LTBP1: variants seen among roughly 807,000 people sequenced by gnomAD.
LTBP1 encodes the protein latent transforming growth factor beta binding protein 1, also known as latent-transforming growth factor beta-binding protein 1.
In LTBP1, 129 loss-of-function variants were observed where a neutral mutation model predicts 207.6. That is an observed-to-expected ratio of 0.62 (90% confidence interval 0.54 to 0.72). The LOEUF (loss-of-function observed/expected upper bound fraction) is 0.72. Ranked by LOEUF, LTBP1 falls within the 30% of genes least tolerant of loss-of-function variation. The probability of loss-of-function intolerance (pLI) is 0.00; values close to 1 mark genes in which losing one functional copy is unlikely to be tolerated. For synonymous variants in LTBP1, 963 were observed against 833.7 expected (o/e 1.16, Z -2.67); for missense variants, 2,281 against 2,217.2 (o/e 1.03, Z -0.58).
chr2:33,364,196 T>C lies in LTBP1; in HGVS notation c.4400-20T>C. 1 of 1,610,796 alleles carries C rather than the reference T, an allele frequency of 6.2e-7. No individual in the cohort carries two copies. Among genetic ancestry groups the C allele is most frequent in the South Asian group, 1.1e-5 (1 of 90,362 alleles). Reference sequence around the variant, plus strand: ...ACTGATGGCTGATTTTCTTTAGTAATACTTTTTTTTGCTCTTAAGATATGG... The same window carrying C: ...ACTGATGGCTGATTTTCTTTAGTAACACTTTTTTTTGCTCTTAAGATATGG... On this transcript the variant is annotated intron_variant, in intron 29 of 33. Coordinates refer to ENST00000404816, the MANE Select transcript of LTBP1 (RefSeq NM_206943.4).
At chr2:33,161,333 C>G (rs71446102) in intron 5 of LTBP1, among the ~76,000 whole-genome samples, 350 of 146,656 alleles carry the variant, frequency 2.4e-3, no homozygotes, top group Non-Finnish European at 3.8e-3. Context: ...GATTTCAGCT[C>G]TGTGCAACCT....
At chr2:33,318,212 ATATGGTAC>A (rs1318387052) in intron 24 of LTBP1, among the ~76,000 whole-genome samples, 5 of 152,300 alleles carry the variant, frequency 3.3e-5, no homozygotes, top group Admixed American at 3.3e-4. Flanking sequence ...CTCAACCTGT[ATATGGTAC>A]TCTGGGATAG....
At chr2:33,073,907 G>A (rs909892359) in intron 3 of LTBP1, among the ~76,000 whole-genome samples, 1 of 152,210 alleles carries the variant, frequency 6.6e-6, no homozygotes, top group Non-Finnish European at 1.5e-5. Flanking sequence ...GATTGCAGGT[G>A]TGAGCCACTG....
Position 33,257,350 on chromosome 2 carries a change from C to G in LTBP1, c.2234C>G (p.Pro745Arg). Residue 745 changes from proline (P) to arginine (R), a missense_variant, in exon 12 of 34, where the codon CCA becomes CGA. By Grantham distance (103) the Pro-to-Arg change is moderately radical. Coordinates refer to ENST00000404816, the MANE Select transcript of LTBP1 (RefSeq NM_206943.4). The part of the protein sequence containing the change: ...YTVSGVHRRR[P>R]IHHHVGKGPV... ...GTTTCTGGCGTTCATAGACGCAGGC[C>G]AATCCATCACCATGTAGGTAAAGGA... is the stretch of plus-strand genomic sequence containing the variant. The G allele has an allele frequency of 6.2e-7, 1 of 1,614,172 alleles. No individual in the cohort carries two copies. The highest frequency in any genetic ancestry group is 8.5e-7 in the Non-Finnish European group (1 of 1,180,028).
At chr2:33,382,462 C>A (rs71447912) in intron 31 of LTBP1, among the ~76,000 whole-genome samples, 2,001 of 152,196 alleles carry the variant, frequency 0.013, 26 homozygotes, top group Non-Finnish European at 0.018. Context: ...CTTCCTTCCT[C>A]TTCTACCTGG....
In LTBP1 at chr2:33,078,857, C is replaced by CTTTTTTT. The variant is rs879714056; in HGVS notation, c.864-31721_864-31720insTTTTTTT. Among the ~76,000 whole-genome samples, 82 of 92,118 alleles carry CTTTTTTT rather than the reference C, an allele frequency of 8.9e-4. 2 individuals are homozygous for CTTTTTTT. Among genetic ancestry groups the CTTTTTTT allele is most frequent in the East Asian group, 6.2e-3 (13 of 2,112 alleles). The allele number at this position is 92,118 out of a possible 152,430, so 60.4% of individuals were successfully genotyped here. On this transcript the variant is annotated intron_variant, in intron 3 of 33. Transcript: ENST00000404816. ...CTTCTCTTCTGTTTTCTTTTCTTTT[C>CTTTTTTT]TTTTCTTTTTTTTTTTTTTTGAGAC... is the stretch of plus-strand genomic sequence containing the variant.
At chr2:33,058,067 G>A (rs1473711780) in intron 3 of LTBP1, among the ~76,000 whole-genome samples, 1 of 152,218 alleles carries the variant, frequency 6.6e-6, no homozygotes, top group South Asian at 2.1e-4. Context: ...TCTCTCTTTG[G>A]TTTCCAATTA....
At chr2:33,079,761 T>A (rs2078292664) in intron 3 of LTBP1, among the ~76,000 whole-genome samples, 1 of 152,142 alleles carries the variant, frequency 6.6e-6, no homozygotes, top group Non-Finnish European at 1.5e-5. Flanking sequence ...GCCTCCCACC[T>A]CCTTTCTGGC....
intron 2 of LTBP1, among the ~76,000 whole-genome samples, chr2:32,960,752 A>G (rs1301754387): frequency 6.6e-6 from 1 of 152,208 alleles, no homozygotes; most frequent in Admixed American, 6.5e-5. Flanking sequence ...CCTGTGTGAT[A>G]TGAAAGGGTC....
chr2:33,192,870 G>A (rs1013327102), intron 7 of LTBP1, among the ~76,000 whole-genome samples: 6 of 152,160 alleles, frequency 3.9e-5, no homozygotes, highest in African/African-American at 1.2e-4. Context: ...AAGAGAGCAA[G>A]GGGGAGCTGA....
chr2:33,094,571 T>C (rs192616880), intron 3 of LTBP1, among the ~76,000 whole-genome samples: 2 of 152,232 alleles, frequency 1.3e-5, no homozygotes, highest in Non-Finnish European at 2.9e-5. Flanking sequence ...TTCAAGAATG[T>C]AGAGTACTAG....
intron 9 of LTBP1, among the ~76,000 whole-genome samples, chr2:33,236,125 G>C (rs774878558): frequency 6.6e-6 from 1 of 152,172 alleles, no homozygotes; most frequent in Admixed American, 6.5e-5. Context: ...AAACCAACAG[G>C]TAAGAACTAA....
chr2:33,380,154 T>C (rs1411921989), intron 31 of LTBP1, among the ~76,000 whole-genome samples: 2 of 152,202 alleles, frequency 1.3e-5, no homozygotes, highest in Admixed American at 6.5e-5. Context: ...TTGTCATCAT[T>C]CTGAAAAATA....
rs577908233 is a variant in LTBP1 at position 33,195,767 on chromosome 2, C to T, written c.1701+6916C>T. 1.8e-4 allele frequency among the ~76,000 whole-genome samples: 27 copies of T among 152,234 alleles called. No homozygotes were observed. The South Asian group carries it at 5.6e-3, about 32-fold the overall frequency. ...AAGCAGTTCTAGCATGGGTCAAATGCTATCAAACAGTATCACTTACTACAG... is the reference window on the plus strand; with the variant it reads ...AAGCAGTTCTAGCATGGGTCAAATGTTATCAAACAGTATCACTTACTACAG... On this transcript the variant is annotated intron_variant, in intron 7 of 33. Coordinates refer to ENST00000404816, the MANE Select transcript of LTBP1 (RefSeq NM_206943.4).
intron 32 of LTBP1, among the ~76,000 whole-genome samples, chr2:33,393,871 T>A (rs1433846952): frequency 6.6e-6 from 1 of 152,190 alleles, no homozygotes; most frequent in Non-Finnish European, 1.5e-5. Context: ...CGCCACACTG[T>A]CTTCCACAAT....
At chr2:33,056,857 C>T (rs2077025193) in intron 3 of LTBP1, among the ~76,000 whole-genome samples, 1 of 152,014 alleles carries the variant, frequency 6.6e-6, no homozygotes, top group Non-Finnish European at 1.5e-5. Context: ...CAGGCAGCCT[C>T]CTTTTATTCT....
chr2:32,982,933 C>G (rs1304949327), intron 2 of LTBP1, among the ~76,000 whole-genome samples: 2 of 152,204 alleles, frequency 1.3e-5, no homozygotes. Flanking sequence ...GGTTGGAGCC[C>G]CCACACAGAG....
intron 19 of LTBP1, among the ~76,000 whole-genome samples, chr2:33,286,282 C>T (rs945824766): frequency 3.9e-5 from 6 of 152,212 alleles, no homozygotes; most frequent in Admixed American, 1.3e-4. Flanking sequence ...ATTCAGTCTA[C>T]TTGACAACTG....
chr2:32,948,837 T>G, intron 1 of LTBP1, 38 bp from the exon 2 acceptor site: 4 of 1,596,988 alleles, frequency 2.5e-6, no homozygotes, highest in Non-Finnish European at 3.4e-6. Context: ...GAAGGGGGTC[T>G]TTCTGCTGCT....
Sources: gnomAD v4.1 joint callset for allele counts (sites outside exome capture counted in the v4.1 genomes callset) on GRCh38, gnomAD v4.1.1 for gene constraint, MANE v1.5 for transcripts, NCBI Gene and HGNC (gene_info 2026-07-23, HGNC 2026-07-21) for gene names.